Variants in GNB5 observed in about 807,000 individuals in gnomAD.
GNB5 encodes G protein subunit beta 5, also known as guanine nucleotide-binding protein subunit beta-5.
Under a neutral mutation model 55.3 loss-of-function variants are expected in GNB5, and 37 were observed. The observed-to-expected ratio is 0.67, with a 90% CI of 0.51 to 0.88. GNB5 has a LOEUF of 0.88. Ranked by LOEUF, GNB5 falls within the 40% of genes least tolerant of loss-of-function variation. The pLI, the probability that GNB5 is intolerant of heterozygous loss-of-function variation, is 0.00. For missense variants in GNB5, 476 were observed against 515.3 expected (o/e 0.92, Z 0.74); for synonymous variants, 219 against 198.5 (o/e 1.10, Z -0.87).
intron 6 of GNB5, among the ~76,000 whole-genome samples, chr15:52,145,950 T>C (rs928342677): frequency 1.3e-5 from 2 of 149,558 alleles, no homozygotes; most frequent in African/African-American, 4.9e-5. Context: ...CTTTATAATA[T>C]GACTTTTTTT....
Position 52,179,808 on chromosome 15 carries a change from G to A in GNB5, c.198C>T (p.Gly66=). The change falls in exon 3 of 13, where the codon GGC becomes GGT. Residue 66 remains glycine, a synonymous_variant. Transcript: ENST00000261837. Reference sequence around the variant, plus strand: ...GCTTGGCTCGCTCCTCCTCCAGCTTGCCCTTGAGGCTCTCGGCCTCGCTCT... The same window carrying A: ...GCTTGGCTCGCTCCTCCTCCAGCTTACCCTTGAGGCTCTCGGCCTCGCTCT... ...SLKSEAESLK[G]KLEEERAKLH... 3 of 1,548,136 alleles carry A rather than the reference G, an allele frequency of 1.9e-6. No homozygotes were observed. Among genetic ancestry groups the A allele is most frequent in the African/African-American group, 1.4e-5 (1 of 70,248 alleles).
intron 7 of GNB5, chr15:52,140,154 A>T: frequency 4.4e-6 from 1 of 229,316 alleles, no homozygotes; most frequent in Non-Finnish European, 8.7e-6. Context: ...CAGCCACCTG[A>T]CCTCCCTGCC....
chr15:52,137,139 T>C (rs1218406923), intron 7 of GNB5: 4 of 706,944 alleles, frequency 5.7e-6, no homozygotes, highest in Non-Finnish European at 7.9e-6. Context: ...TTTCAGAACC[T>C]ACTAAGATTC....
intron 3 of GNB5, among the ~76,000 whole-genome samples, chr15:52,169,992 A>G (rs1254526191): frequency 1.3e-5 from 2 of 152,254 alleles, no homozygotes; most frequent in East Asian, 1.9e-4. Context: ...AGAGAAATGC[A>G]TATCAAAACC....
intron 3 of GNB5, among the ~76,000 whole-genome samples, chr15:52,160,388 T>C (rs2034306083): frequency 6.6e-6 from 1 of 151,912 alleles, no homozygotes; most frequent in Non-Finnish European, 1.5e-5. Flanking sequence ...AGGCCAGGAG[T>C]GGCAAATCTA....
intron 2 of GNB5, among the ~76,000 whole-genome samples, chr15:52,182,612 A>G (rs898310328): frequency 2.6e-5 from 4 of 152,210 alleles, no homozygotes; most frequent in Admixed American, 1.3e-4. Context: ...GGTCAGCTAC[A>G]TTCCACAGTG....
chr15:52,149,343 T>G, intron 5 of GNB5: 1 of 170,936 alleles, frequency 5.9e-6, no homozygotes, highest in Non-Finnish European at 1.2e-5. Flanking sequence ...TACCTGCACA[T>G]AGGTTTTGGT....
In GNB5 at chr15:52,124,525, A is replaced by C. The variant is rs2033368299; in HGVS notation, c.1124T>G (p.Val375Gly). Residue 375 changes from valine (V) to glycine (G), a missense_variant, in exon 12 of 13, where the codon GTT (valine) becomes GGT (glycine). Coordinates refer to ENST00000261837, the MANE Select transcript of GNB5 (RefSeq NM_016194.4). ...GHENRVSTLRVSPDGTAFCSG... is the reference protein window; with the variant it reads ...GHENRVSTLRGSPDGTAFCSG... ...GCAGAAAGCAGTCCCATCGGGGGAAACTCGTAGAGTGCTAACGCGGTTTTC... is the reference window on the plus strand; with the variant it reads ...GCAGAAAGCAGTCCCATCGGGGGAACCTCGTAGAGTGCTAACGCGGTTTTC... 1 of 1,613,830 alleles carries C rather than the reference A, an allele frequency of 6.2e-7. No homozygotes were observed. The highest frequency in any genetic ancestry group is 1.3e-5 in the African/African-American group (1 of 74,914).
rs1338224401 is a variant in GNB5, at chr15:52,177,098, G to C, written c.238+2670C>G. 2.2e-5 allele frequency among the ~76,000 whole-genome samples: 3 copies of C among 135,584 alleles called. No homozygotes were observed. The East Asian group carries it at 6.5e-4, about 29-fold the overall frequency. The allele number at this position is 135,584 out of a possible 152,430, so 88.9% of individuals were successfully genotyped here. A position where few individuals can be genotyped will look rare whatever the true frequency, so the allele number is the denominator to read the frequency against. On this transcript the variant is annotated intron_variant, in intron 3 of 12. Transcript: ENST00000261837. ...CGCCCAGGCTGGAGTGCAGTGGCAAGATCTCGGCTCACTGCAACCTCCAAC... is the reference window on the plus strand; with the variant it reads ...CGCCCAGGCTGGAGTGCAGTGGCAACATCTCGGCTCACTGCAACCTCCAAC...
At chr15:52,136,496 G>T (rs1566935910) in intron 7 of GNB5, among the ~76,000 whole-genome samples, 1 of 152,296 alleles carries the variant, frequency 6.6e-6, no homozygotes, top group East Asian at 1.9e-4. Context: ...GGTGGGGCCT[G>T]AGCGTCTACA....
chr15:52,147,944 T>C (rs1480489231), intron 5 of GNB5, among the ~76,000 whole-genome samples: 1 of 152,114 alleles, frequency 6.6e-6, no homozygotes, highest in Non-Finnish European at 1.5e-5. Context: ...TGAATTACAT[T>C]ATAGTTTCAA....
chr15:52,133,527 C>A, intron 8 of GNB5, 58 bp from the exon 9 acceptor site: 1 of 1,065,632 alleles, frequency 9.4e-7, no homozygotes, highest in Non-Finnish European at 1.5e-6. Context: ...ATAGACAAGG[C>A]ACGAGTCCCA....
At chr15:52,182,765 C>A (rs1162978985) in intron 2 of GNB5, among the ~76,000 whole-genome samples, 2 of 152,162 alleles carry the variant, frequency 1.3e-5, no homozygotes, top group Non-Finnish European at 2.9e-5. Context: ...TATTTGGGAA[C>A]CCCCAAGTAG....
At chr15:52,145,571 G>A (rs928291944) in intron 6 of GNB5, among the ~76,000 whole-genome samples, 3 of 152,122 alleles carry the variant, frequency 2.0e-5, no homozygotes, top group Non-Finnish European at 4.4e-5. Context: ...CTTGAACCCA[G>A]GGAGCGGAGG....
chr15:52,172,833 G>A (rs1283843643), intron 3 of GNB5, among the ~76,000 whole-genome samples: 2 of 152,100 alleles, frequency 1.3e-5, no homozygotes, highest in African/African-American at 2.4e-5. Flanking sequence ...CCTCTCTAGC[G>A]ATAACAAGTT....
intron 3 of GNB5, among the ~76,000 whole-genome samples, chr15:52,158,219 C>G (rs757082674): frequency 6.6e-6 from 1 of 152,114 alleles, no homozygotes; most frequent in Non-Finnish European, 1.5e-5. Context: ...AAGCCTGGCT[C>G]TGTCGCACAC....
intron 6 of GNB5, among the ~76,000 whole-genome samples, chr15:52,146,772 GTAT>G (rs1293706666): frequency 2.1e-5 from 3 of 140,112 alleles, no homozygotes; most frequent in South Asian, 2.3e-4. Flanking sequence ...TAGAGACAAG[GTAT>G]TATTATCACA....
chr15:52,186,014 A>G (rs1233753352), intron 1 of GNB5, among the ~76,000 whole-genome samples: 2 of 152,108 alleles, frequency 1.3e-5, no homozygotes, highest in Non-Finnish European at 2.9e-5. Context: ...CCTGACCTCA[A>G]GTTATCCACC....
At chr15:52,176,006 G>A (rs1044136762) in intron 3 of GNB5, among the ~76,000 whole-genome samples, 1 of 152,110 alleles carries the variant, frequency 6.6e-6, no homozygotes, top group African/African-American at 2.4e-5. Flanking sequence ...CTGAGATCAT[G>A]CCATTGCACT....
Sources: allele counts gnomAD v4.1 joint callset (sites outside exome capture counted in the v4.1 genomes callset), GRCh38; gene constraint gnomAD v4.1.1; transcripts MANE v1.5; gene names NCBI Gene and HGNC (gene_info 2026-07-23, HGNC 2026-07-21).